TMEM97: variants seen among roughly 807,000 people sequenced by gnomAD.
TMEM97 encodes transmembrane protein 97.
TMEM97 carries 13 observed loss-of-function variants against 18.3 expected under a neutral mutation model. The ratio of observed to expected loss-of-function variants is 0.71; its 90% confidence interval spans 0.46 to 1.13. The LOEUF (loss-of-function observed/expected upper bound fraction) is 1.13. Among genes scored for constraint, TMEM97 ranks in the 50% most tolerant of loss-of-function variants. The pLI, the probability that TMEM97 is intolerant of heterozygous loss-of-function variation, is 0.00. For missense variants in TMEM97, 205 were observed against 210.5 expected, an observed-to-expected ratio of 0.97 and a Z score of 0.16; for synonymous variants, 76 against 85.3, an observed-to-expected ratio of 0.89 and a Z score of 0.60.
In TMEM97 at chr17:28,328,520, G is replaced by C; in HGVS notation, c.*1727G>C. On this transcript the variant is annotated 3_prime_UTR_variant, in exon 3 of 3. Coordinates refer to ENST00000226230, the MANE Select transcript of TMEM97 (RefSeq NM_014573.3). Reference sequence around the variant, plus strand: ...AGACTTGTAGTGCTGTCTTCAGGGGGCTGCATTCCTTACACGCCACCTCTT... The same window carrying C: ...AGACTTGTAGTGCTGTCTTCAGGGGCCTGCATTCCTTACACGCCACCTCTT... The C allele has an allele frequency of 1.5e-6, 1 of 674,810 alleles. No homozygotes were observed. Among genetic ancestry groups the C allele is most frequent in the Non-Finnish European group, 2.7e-6 (1 of 376,704 alleles). 41.8% of individuals were successfully genotyped at this position (674,810 alleles called of 1,614,324 possible).
intron 1 of TMEM97, among the ~76,000 whole-genome samples, chr17:28,322,901 C>T (rs782608311): frequency 1.3e-5 from 2 of 152,236 alleles, no homozygotes; most frequent in South Asian, 2.1e-4. Flanking sequence ...AATGACCAGT[C>T]GTGAGCTGCG....
chr17:28,326,498 G>T lies in TMEM97; in HGVS notation c.272-36G>T, dbSNP rs369670108. 43 of 1,600,324 alleles carry T rather than the reference G, an allele frequency of 2.7e-5. No homozygotes were observed. In the African/African-American group the frequency reaches 5.4e-4, roughly 20 times the overall value. ...CATGGACACCTTTGAGTCATGAACA[G>T]ACCTAACCATTTTTCTTTTCCCCTG... On this transcript the variant is annotated intron_variant, in intron 2 of 2. Coordinates refer to ENST00000226230, the MANE Select transcript of TMEM97 (RefSeq NM_014573.3).
At chr17:28,323,055 A>G (rs1906206398) in intron 1 of TMEM97, among the ~76,000 whole-genome samples, 1 of 152,168 alleles carries the variant, frequency 6.6e-6, no homozygotes, top group African/African-American at 2.4e-5. Context: ...TACTGGCTCT[A>G]TTTTATTGAT....
chr17:28,325,825 A>G, intron 2 of TMEM97, 178 bp downstream of exon 2: 1 of 849,758 alleles, frequency 1.2e-6, no homozygotes, highest in South Asian at 1.8e-5. Flanking sequence ...GCTCAGGCTC[A>G]TGTCTGTGGT....
chr17:28,319,389 G>C lies in TMEM97; in HGVS notation c.126+24G>C, dbSNP rs377630441. On this transcript the variant is annotated intron_variant, in intron 1 of 2. Coordinates refer to ENST00000226230, the MANE Select transcript of TMEM97 (RefSeq NM_014573.3). The stretch of plus-strand genomic sequence containing the variant: ...AGGTGAGGGGCGCCCCTCTTATCCC[G>C]GCCCGCTGAGGCTCTCCCGGCGCTG... 11 of 1,420,264 alleles carry C rather than the reference G, an allele frequency of 7.7e-6. No individual in the cohort carries two copies. The African/African-American group carries it at 3.2e-4, about 41-fold the overall frequency. The allele number at this position is 1,420,264 out of a possible 1,614,324, so 88.0% of individuals were successfully genotyped here.
intron 1 of TMEM97, chr17:28,319,830 C>G (rs1261756325): frequency 6.5e-6 from 1 of 152,806 alleles, no homozygotes; most frequent in East Asian, 1.9e-4. Context: ...GTTGGTGCAG[C>G]TGGGGCGTTC....
chr17:28,319,982 T>G (rs543110616), intron 1 of TMEM97, among the ~76,000 whole-genome samples: 1 of 152,318 alleles, frequency 6.6e-6, no homozygotes, highest in South Asian at 2.1e-4. Context: ...AAATCCCGAT[T>G]TCCTGGTTGT....
Position 28,325,385 on chromosome 17 carries a change from G to A in TMEM97, c.127-118G>A, listed in dbSNP as rs879975288. 2.0e-5 allele frequency: 26 copies of A among 1,325,332 alleles called. No homozygotes were observed. In the South Asian group the frequency reaches 2.1e-4, roughly 11 times the overall value. 82.1% of individuals were successfully genotyped at this position (1,325,332 alleles called of 1,614,324 possible). Reference sequence around the variant, plus strand: ...CCAGCTGGACATGCCATCTGCTGCCGGGGTAGTGGGGGGTGGCTAATTAAT... The same window carrying A: ...CCAGCTGGACATGCCATCTGCTGCCAGGGTAGTGGGGGGTGGCTAATTAAT... On this transcript the variant is annotated intron_variant, in intron 1 of 2. Transcript: ENST00000226230.
At chr17:28,324,277 G>C (rs1906252817) in intron 1 of TMEM97, among the ~76,000 whole-genome samples, 1 of 152,284 alleles carries the variant, frequency 6.6e-6, no homozygotes, top group Non-Finnish European at 1.5e-5. Context: ...TACAAATTTG[G>C]ATATCCTTTG....
rs1906382198 is a variant in TMEM97, at chr17:28,327,051, C to T, written c.*258C>T. 6 of 438,632 alleles carry T rather than the reference C, an allele frequency of 1.4e-5. No individual in the cohort carries two copies. The highest frequency in any genetic ancestry group is 2.1e-5 in the Non-Finnish European group (5 of 241,808). 27.2% of individuals were successfully genotyped at this position (438,632 alleles called of 1,614,324 possible). On this transcript the variant is annotated 3_prime_UTR_variant, in exon 3 of 3. Coordinates refer to ENST00000226230, the MANE Select transcript of TMEM97 (RefSeq NM_014573.3). ...CATGATCTCGGCTCACTGCAACCTC[C>T]GCCTCCTGGGCTCAAGCCATCTTCC...
chr17:28,319,342 CCG>C lies in TMEM97; in HGVS notation c.108_109del (p.Glu37AlafsTer7). On this transcript the variant is annotated frameshift_variant, in exon 1 of 3. Coordinates refer to ENST00000226230, the MANE Select transcript of TMEM97 (RefSeq NM_014573.3). LOFTEE classifies it high-confidence loss of function. Reference sequence around the variant, plus strand: ...GTTCATGGACCTGCAGGCGGTGCTGCCGCGCGAGCTCTACCCAGTCGAGGTGA... The same window carrying C: ...GTTCATGGACCTGCAGGCGGTGCTGCCGCGAGCTCTACCCAGTCGAGGTGA... Reference protein sequence around the residue: ...TLFMDLQAVLPRELYPVEFRN... With the variant: ...TLFMDLQAVLXRELYPVEFRN... 1 of 1,606,330 alleles carries C rather than the reference CCG, an allele frequency of 6.2e-7. No individual in the cohort carries two copies. Among genetic ancestry groups the C allele is most frequent in the Non-Finnish European group, 8.5e-7 (1 of 1,176,442 alleles).
chr17:28,324,871 G>A (rs1169566802), intron 1 of TMEM97: 1 of 152,124 alleles, frequency 6.6e-6, no homozygotes, highest in Admixed American at 6.5e-5. Flanking sequence ...TTAGAATTAG[G>A]GGAGTTAAGG....
In TMEM97 at chr17:28,327,674, G is replaced by A. The variant is rs1204703845; in HGVS notation, c.*881G>A. The stretch of plus-strand genomic sequence containing the variant: ...AGAGAAAACATACTATGCAAAGGAA[G>A]TTTAAACTTAAGTTTTCCTTAAGGG... On this transcript the variant is annotated 3_prime_UTR_variant, in exon 3 of 3. Coordinates refer to ENST00000226230, the MANE Select transcript of TMEM97 (RefSeq NM_014573.3). 20 of 152,230 alleles carry A rather than the reference G, an allele frequency of 1.3e-4. No homozygotes were observed. The highest frequency in any genetic ancestry group is 2.8e-4 in the Non-Finnish European group (19 of 68,044). 9.4% of individuals were successfully genotyped at this position (152,230 alleles called of 1,614,324 possible).
intron 1 of TMEM97, among the ~76,000 whole-genome samples, chr17:28,325,089 AT>A (rs1906281183): frequency 1.3e-5 from 2 of 151,764 alleles, no homozygotes; most frequent in Non-Finnish European, 2.9e-5. Context: ...TTTCATGTGT[AT>A]TTGTTTTTTT....
chr17:28,327,808 A>T lies in TMEM97; in HGVS notation c.*1015A>T, dbSNP rs1365435962. Reference sequence around the variant, plus strand: ...AGTTTTTTTTGTTTGTTTGCTTTTAAATTAGTTTATTTCTAAATCTTAGTC... The same window carrying T: ...AGTTTTTTTTGTTTGTTTGCTTTTATATTAGTTTATTTCTAAATCTTAGTC... On this transcript the variant is annotated 3_prime_UTR_variant, in exon 3 of 3. Coordinates refer to ENST00000226230, the MANE Select transcript of TMEM97 (RefSeq NM_014573.3). The T allele has an allele frequency of 6.6e-6, 1 of 152,168 alleles. No homozygotes were observed. Among genetic ancestry groups the T allele is most frequent in the African/African-American group, 2.4e-5 (1 of 41,420 alleles). 9.4% of individuals were successfully genotyped at this position (152,168 alleles called of 1,614,324 possible).
rs1264655980 is a variant in TMEM97 at position 28,326,600 on chromosome 17, C to T, written c.338C>T (p.Pro113Leu). ...YSVHTMTTLI[P>L]ILSTFLFEDF... is the part of the protein sequence containing the mutation. Reference sequence around the variant, plus strand: ...GTTCACACCATGACAACCTTAATTCCGATACTCTCCACATTTCTGTTTGAG... The same window carrying T: ...GTTCACACCATGACAACCTTAATTCTGATACTCTCCACATTTCTGTTTGAG... Residue 113 changes from proline to leucine, a missense_variant, in exon 3 of 3, where the codon CCG (proline) becomes CTG (leucine). Physicochemically the swap from Pro to Leu is moderately conservative, Grantham distance 98 (BLOSUM62 -3). Coordinates refer to ENST00000226230, the MANE Select transcript of TMEM97 (RefSeq NM_014573.3). The T allele has an allele frequency of 1.7e-5, 28 of 1,614,128 alleles. No individual in the cohort carries two copies. Among genetic ancestry groups the T allele is most frequent in the Middle Eastern group, 1.6e-4 (1 of 6,062 alleles).
chr17:28,319,265 G>T lies in TMEM97; in HGVS notation c.26G>T (p.Cys9Phe). The T allele has an allele frequency of 6.2e-7, 1 of 1,610,468 alleles. No individual in the cohort carries two copies. The highest frequency in any genetic ancestry group is 8.5e-7 in the Non-Finnish European group (1 of 1,178,374). MGAPATRR[C>F]VEWLLGLYFL... Reference sequence around the variant, plus strand: ...ATGGGGGCTCCGGCAACCAGGCGCTGCGTGGAGTGGCTGCTGGGCCTCTAC... The same window carrying T: ...ATGGGGGCTCCGGCAACCAGGCGCTTCGTGGAGTGGCTGCTGGGCCTCTAC... The change falls in exon 1 of 3, where the codon TGC becomes TTC. Residue 9 changes from cysteine (C) to phenylalanine (F), a missense_variant. Physicochemically the swap from Cys to Phe is radical, Grantham distance 205. Transcript: ENST00000226230.
At position 28,325,593 on chromosome 17, in the gene TMEM97, G is replaced by C. The variant is rs573101328; in HGVS notation, c.217G>C (p.Glu73Gln). Reference sequence around the variant, plus strand: ...CTGGTTTAAGTCCTTTCTGTTTTGCGAGCTTGTGTTTCAGCTGCCTTTCTT... The same window carrying C: ...CTGGTTTAAGTCCTTTCTGTTTTGCCAGCTTGTGTTTCAGCTGCCTTTCTT... ...PAWFKSFLFC[E>Q]LVFQLPFFPI... The change falls in exon 2 of 3, where the codon GAG becomes CAG. Residue 73 changes from glutamate (E) to glutamine (Q), a missense_variant. Transcript: ENST00000226230. 1 of 1,614,072 alleles carries C rather than the reference G, an allele frequency of 6.2e-7. No homozygotes were observed. Among genetic ancestry groups the C allele is most frequent in the African/African-American group, 1.3e-5 (1 of 74,924 alleles).
At chr17:28,323,679 A>G (rs954967137) in intron 1 of TMEM97, among the ~76,000 whole-genome samples, 7 of 152,128 alleles carry the variant, frequency 4.6e-5, no homozygotes, top group Non-Finnish European at 7.4e-5. Context: ...GATTATAGGC[A>G]TGAGCCACCG....
Sources: gnomAD v4.1 joint callset for allele counts (sites outside exome capture counted in the v4.1 genomes callset) on GRCh38, gnomAD v4.1.1 for gene constraint, MANE v1.5 for transcripts, NCBI Gene and HGNC (gene_info 2026-07-23, HGNC 2026-07-21) for gene names.